Variants in ROBO2 observed in about 807,000 individuals in gnomAD.
ROBO2 encodes the protein roundabout guidance receptor 2, also known as roundabout homolog 2.
A neutral mutation model predicts 160.8 loss-of-function variants in ROBO2; 53 were observed. The ratio of observed to expected loss-of-function variants is 0.33; its 90% confidence interval spans 0.26 to 0.41. ROBO2 has a LOEUF of 0.41. ROBO2 is among the 10% of genes least tolerant of loss of function. The probability of loss-of-function intolerance (pLI) is 1.00; values close to 1 mark genes in which losing one functional copy is unlikely to be tolerated. For synonymous variants in ROBO2, 664 were observed against 611.7 expected, an observed-to-expected ratio of 1.09 and a Z score of -1.26; for missense variants, 1,577 against 1,722.4, an observed-to-expected ratio of 0.92 and a Z score of 1.49.
rs147730212 is a variant in ROBO2, at chr3:76,454,780, T to C, written c.109+517178T>C. Among the ~76,000 whole-genome samples, 859 of 152,216 alleles carry C rather than the reference T, an allele frequency of 5.6e-3. 9 individuals are homozygous for C. Among genetic ancestry groups the C allele is most frequent in the African/African-American group, 0.019 (769 of 41,546 alleles). ...CTATGACAAGAGATGATCAACAATT[T>C]AGGAATATCCATAGAATGTGTAAAT... On this transcript the variant is annotated intron_variant, in intron 2 of 26. Transcript: ENST00000487694.
chr3:77,519,711 C>T (rs1231019201), intron 5 of ROBO2, among the ~76,000 whole-genome samples: 2 of 151,346 alleles, frequency 1.3e-5, no homozygotes, highest in African/African-American at 4.8e-5. Context: ...CATGTCTTTG[C>T]TATTATGAAT....
At chr3:76,395,519 T>C (rs1257304758) in intron 2 of ROBO2, among the ~76,000 whole-genome samples, 1 of 143,076 alleles carries the variant, frequency 7.0e-6, no homozygotes, top group East Asian at 2.0e-4. Flanking sequence ...TTCAAAAAAT[T>C]AATGAATCCA....
intron 2 of ROBO2, among the ~76,000 whole-genome samples, chr3:76,505,610 C>T (rs1001245353): frequency 6.6e-6 from 1 of 152,144 alleles, no homozygotes; most frequent in African/African-American, 2.4e-5. Context: ...GTTCTACCCA[C>T]TGACAGAGGG....
intron 23 of ROBO2, among the ~76,000 whole-genome samples, chr3:77,625,369 A>G (rs2094989926): frequency 2.6e-5 from 4 of 151,552 alleles, no homozygotes. Flanking sequence ...AGTGCAAGCC[A>G]TCTTTCTTTC....
intron 2 of ROBO2, among the ~76,000 whole-genome samples, chr3:76,697,398 C>A (rs1269037834): frequency 6.6e-6 from 1 of 152,110 alleles, no homozygotes; most frequent in African/African-American, 2.4e-5. Flanking sequence ...AGTTCCAGCA[C>A]TTCGAGAGTC....
intron 2 of ROBO2, among the ~76,000 whole-genome samples, chr3:76,119,894 T>TCCTTC (rs2070653308): frequency 8.7e-6 from 1 of 114,910 alleles, no homozygotes; most frequent in Non-Finnish European, 1.7e-5. Context: ...TCCCTTCCCT[T>TCCTTC]CCTTCCCTTC....
Position 77,292,786 on chromosome 3 carries a change from A to G in ROBO2, c.389-184628A>G, listed in dbSNP as rs557372497. ...GACATAAAGTAAATTTGACGGTTAAACAGGTAAGCTGAGGCTAGATCACCC... is the reference window on the plus strand; with the variant it reads ...GACATAAAGTAAATTTGACGGTTAAGCAGGTAAGCTGAGGCTAGATCACCC... On this transcript the variant is annotated intron_variant, in intron 2 of 25. Transcript: ENST00000461745. 4.6e-4 allele frequency among the ~76,000 whole-genome samples: 46 copies of G among 99,026 alleles called. 5 individuals are homozygous for G. In the South Asian group the frequency reaches 0.014, roughly 30 times the overall value. 65.0% of individuals were successfully genotyped at this position (99,026 alleles called of 152,430 possible).
rs76810062 is a variant in ROBO2, at chr3:77,009,557, T to C, written c.110-88457T>C. Among the ~76,000 whole-genome samples the C allele has an allele frequency of 5.5e-3, 842 of 152,312 alleles. 6 individuals carry two copies. Among genetic ancestry groups the C allele is most frequent in the African/African-American group, 0.019 (808 of 41,570 alleles). On this transcript the variant is annotated intron_variant, in intron 2 of 26. Coordinates refer to the ROBO2 transcript ENST00000487694. ...GTTCATAACATTTTCTCACAGCTGGTCTTCATAATTTTATATGTTGTTTAG... is the reference window on the plus strand; with the variant it reads ...GTTCATAACATTTTCTCACAGCTGGCCTTCATAATTTTATATGTTGTTTAG...
intron 2 of ROBO2, among the ~76,000 whole-genome samples, chr3:76,483,666 G>T (rs1445155303): frequency 2.0e-5 from 3 of 152,100 alleles, no homozygotes; most frequent in Admixed American, 2.0e-4. Flanking sequence ...CACCACCCAG[G>T]TAGTAAGCTT....
In ROBO2 at chr3:76,373,774, G is replaced by A. The variant is rs1258734054; in HGVS notation, c.109+436172G>A. Among the ~76,000 whole-genome samples the A allele has an allele frequency of 2.6e-5, 4 of 152,074 alleles. No individual in the cohort carries two copies. In the South Asian group the frequency reaches 6.2e-4, roughly 24 times the overall value. ...GTGCTTAAAACTAATCGTTATCATT[G>A]TTCATGAGTCTGTTGGTCATGTGAG... On this transcript the variant is annotated intron_variant, in intron 2 of 26. Coordinates refer to the ROBO2 transcript ENST00000487694.
intron 5 of ROBO2, among the ~76,000 whole-genome samples, chr3:77,519,754 G>T (rs2090395946): frequency 1.3e-5 from 2 of 151,150 alleles, no homozygotes; most frequent in Admixed American, 6.6e-5. Flanking sequence ...TGCTTGTGGG[G>T]TTTTTTGGTA....
At chr3:76,962,640 G>A (rs12638578) in intron 2 of ROBO2, among the ~76,000 whole-genome samples, 115,550 of 129,048 alleles carry the variant, frequency 0.9, 51,060 homozygotes, top group African/African-American at 0.96. Context: ...CTCGATCTCA[G>A]AAAAAAAAAA....
At chr3:77,340,139 T>A (rs2066912534) in intron 2 of ROBO2, among the ~76,000 whole-genome samples, 1 of 152,138 alleles carries the variant, frequency 6.6e-6, no homozygotes, top group African/African-American at 2.4e-5. Flanking sequence ...GCTCAATTCG[T>A]ATTAGCTATA....
intron 2 of ROBO2, among the ~76,000 whole-genome samples, chr3:75,947,910 A>C (rs1948377371): frequency 6.6e-6 from 1 of 152,124 alleles, no homozygotes; most frequent in Non-Finnish European, 1.5e-5. Context: ...CAAATACTTC[A>C]GGCTTTTTAA....
intron 2 of ROBO2, among the ~76,000 whole-genome samples, chr3:76,115,822 T>C (rs1430059222): frequency 6.6e-6 from 1 of 152,084 alleles, no homozygotes; most frequent in Non-Finnish European, 1.5e-5. Flanking sequence ...TCAGCAGCTA[T>C]AGATGATGAC....
intron 2 of ROBO2, among the ~76,000 whole-genome samples, chr3:76,831,676 A>C (rs1419758701): frequency 2.0e-5 from 3 of 152,142 alleles, no homozygotes; most frequent in Non-Finnish European, 4.4e-5. Flanking sequence ...ATGTCTTCTC[A>C]TATTGTTTCC....
chr3:77,115,463 G>A (rs1409569271), intron 2 of ROBO2, among the ~76,000 whole-genome samples: 1 of 152,084 alleles, frequency 6.6e-6, no homozygotes, highest in Non-Finnish European at 1.5e-5. Context: ...TGTAAAATAA[G>A]TTAAAATATT....
At chr3:76,946,448 AT>A (rs201117387) in intron 2 of ROBO2, among the ~76,000 whole-genome samples, 1 of 151,220 alleles carries the variant, frequency 6.6e-6, no homozygotes, top group Non-Finnish European at 1.5e-5. Flanking sequence ...TGTTTGTTTT[AT>A]TTTTTTGAGA....
intron 2 of ROBO2, among the ~76,000 whole-genome samples, chr3:77,148,203 C>A (rs553561522): frequency 7.2e-5 from 11 of 152,310 alleles, no homozygotes; most frequent in African/African-American, 2.6e-4. Context: ...TGCCTTCACC[C>A]ACTCCTTAAG....
Sources: gnomAD v4.1 joint callset for allele counts (sites outside exome capture counted in the v4.1 genomes callset) on GRCh38, gnomAD v4.1.1 for gene constraint, MANE v1.5 for transcripts, NCBI Gene and HGNC (gene_info 2026-07-23, HGNC 2026-07-21) for gene names.